MBD5: variants seen among roughly 807,000 people sequenced by gnomAD.
The protein encoded by MBD5 is methyl-CpG-binding domain protein 5.
A neutral mutation model predicts 117.3 loss-of-function variants in MBD5; 13 were observed. That is an observed-to-expected ratio of 0.11 (90% CI 0.07 to 0.18). The LOEUF (loss-of-function observed/expected upper bound fraction) is 0.18. Ranked by LOEUF, MBD5 falls within the 10% of genes least tolerant of loss-of-function variation. The pLI is 1.00. For synonymous variants in MBD5, 727 were observed against 766.4 expected (o/e 0.95, Z 0.85); for missense variants, 1,879 against 2,093.8 (o/e 0.90, Z 2.00).
chr2:148,123,691 G>C (rs537729477), intron 1 of MBD5, among the ~76,000 whole-genome samples: 2 of 152,226 alleles, frequency 1.3e-5, no homozygotes, highest in Non-Finnish European at 2.9e-5. Flanking sequence ...TTAGTGAACA[G>C]ATTCTGAATA....
Position 148,469,533 on chromosome 2 carries a change from T to C in MBD5, c.1590T>C (p.Ser530=). 1.9e-6 allele frequency: 3 copies of C among 1,613,802 alleles called. No homozygotes were observed. Among genetic ancestry groups the C allele is most frequent in the Non-Finnish European group, 2.5e-6 (3 of 1,179,924 alleles). ...CTAACCCATTAATTGCTGGAATAAGTAATGTACTAAATACCCCAAGCAGTG... is the reference window on the plus strand; with the variant it reads ...CTAACCCATTAATTGCTGGAATAAGCAATGTACTAAATACCCCAAGCAGTG... ...DIPNPLIAGI[S]NVLNTPSSAA... is the part of the protein sequence containing the mutation. The change falls in exon 8 of 14, where the codon AGT becomes AGC. Residue 530 remains serine, a synonymous_variant. Coordinates refer to ENST00000642680, the MANE Select transcript of MBD5 (RefSeq NM_001378120.1).
chr2:148,445,928 GTGTT>G (rs1706494344), intron 4 of MBD5, among the ~76,000 whole-genome samples: 1 of 151,340 alleles, frequency 6.6e-6, no homozygotes, highest in Non-Finnish European at 1.5e-5. Flanking sequence ...CTGCATAAAT[GTGTT>G]CTTTTGAGAA....
chr2:148,476,566 T>C (rs1680972016), intron 8 of MBD5, among the ~76,000 whole-genome samples: 1 of 152,190 alleles, frequency 6.6e-6, no homozygotes, highest in Admixed American at 6.6e-5. Context: ...CACAAAATAC[T>C]ACCCTAGCTG....
chr2:148,256,742 G>T (rs951928854), intron 3 of MBD5, among the ~76,000 whole-genome samples: 1 of 152,238 alleles, frequency 6.6e-6, no homozygotes, highest in Non-Finnish European at 1.5e-5. Context: ...TATCGAGAAT[G>T]GGGGGACACC....
chr2:148,141,787 G>A (rs889590606), intron 1 of MBD5, among the ~76,000 whole-genome samples: 8 of 79,192 alleles, frequency 1.0e-4, no homozygotes, highest in East Asian at 4.5e-4. Context: ...GCAAGACCCC[G>A]TCTCAAAAAA....
rs1695959992 is a variant in MBD5, at chr2:148,092,120, T to TTA, written c.-925+70437_-925+70438dup. On this transcript the variant is annotated intron_variant, in intron 1 of 13. Transcript: ENST00000642680. ...ACCAAAACCATGATGAGATACCACCTTACTCCAGCAAAAGTGGCCATAATT... is the reference window on the plus strand; with the variant it reads ...ACCAAAACCATGATGAGATACCACCTTATACTCCAGCAAAAGTGGCCATAATT... 2.0e-5 allele frequency among the ~76,000 whole-genome samples: 3 copies of TTA among 152,160 alleles called. No homozygotes were observed. In the South Asian group the frequency reaches 6.2e-4, roughly 32 times the overall value.
chr2:148,338,468 A>G (rs1385495466), intron 3 of MBD5, among the ~76,000 whole-genome samples: 2 of 152,196 alleles, frequency 1.3e-5, no homozygotes, highest in East Asian at 1.9e-4. Context: ...GTATTTGTAC[A>G]TAATAATCAG....
At chr2:148,449,640 ATAG>A (rs1199806290) in intron 4 of MBD5, among the ~76,000 whole-genome samples, 1 of 152,010 alleles carries the variant, frequency 6.6e-6, no homozygotes, top group Non-Finnish European at 1.5e-5. Flanking sequence ...AATCTAAAGG[ATAG>A]CCTTAATTTT....
chr2:148,161,751 C>T (rs1316724739), intron 1 of MBD5, among the ~76,000 whole-genome samples: 1 of 152,092 alleles, frequency 6.6e-6, no homozygotes, highest in African/African-American at 2.4e-5. Flanking sequence ...TATTATTATT[C>T]TTTGAATTTT....
chr2:148,152,462 C>G (rs1257705465), intron 1 of MBD5, among the ~76,000 whole-genome samples: 30 of 151,820 alleles, frequency 2.0e-4, no homozygotes, highest in East Asian at 5.8e-4. Flanking sequence ...GGTCCGCTTG[C>G]TGCAGAGCTG....
chr2:148,371,178 T>C (rs1460033563), intron 4 of MBD5, among the ~76,000 whole-genome samples: 1 of 152,182 alleles, frequency 6.6e-6, no homozygotes, highest in Non-Finnish European at 1.5e-5. Context: ...AAAGTCTACA[T>C]TTAAAATGTA....
chr2:148,202,292 T>C (rs1332827541), intron 2 of MBD5, among the ~76,000 whole-genome samples: 1 of 152,164 alleles, frequency 6.6e-6, no homozygotes, highest in African/African-American at 2.4e-5. Flanking sequence ...GAATTGGAAG[T>C]CCTATTTTGA....
Position 148,489,520 on chromosome 2 carries a change from T to C in MBD5, c.3888T>C (p.Ile1296=). The C allele has an allele frequency of 6.2e-7, 1 of 1,614,216 alleles. No homozygotes were observed. The highest frequency in any genetic ancestry group is 8.5e-7 in the Non-Finnish European group (1 of 1,180,032). The change falls in exon 11 of 14, where the codon ATT becomes ATC. Residue 1296 remains isoleucine, a synonymous_variant. Coordinates refer to ENST00000642680, the MANE Select transcript of MBD5 (RefSeq NM_001378120.1). The part of the protein sequence containing the change: ...QDTPCELQPR[I]DPSLGQQVKD... ...CACCTTGTGAGTTGCAACCGAGGAT[T>C]GACCCATCTCTTGGTCAACAGGTGA...
In MBD5 at chr2:148,469,471, A is replaced by G. The variant is rs762417251; in HGVS notation, c.1528A>G (p.Thr510Ala). ...PRPSMPSSPS[T>A]KSDGHHQYKD... ...GCCATCAATGCCATCAAGCCCTTCT[A>G]CCAAGTCCGATGGACATCATCAGTA... Residue 510 changes from threonine (T) to alanine (A), a missense_variant, in exon 8 of 14, where the codon ACC becomes GCC. By Grantham distance (58) the Thr-to-Ala change is moderately conservative (BLOSUM62 0). Around this residue, in one of 4 missense-constraint regions of MBD5, gnomAD observed 1,666 missense variants for 1,792.2 expected, o/e 0.93. Coordinates refer to ENST00000642680, the MANE Select transcript of MBD5 (RefSeq NM_001378120.1). 1 of 1,613,910 alleles carries G rather than the reference A, an allele frequency of 6.2e-7. No homozygotes were observed. Among genetic ancestry groups the G allele is most frequent in the Non-Finnish European group, 8.5e-7 (1 of 1,179,938 alleles).
At chr2:148,043,487 A>ATAAATAAATAAATAAATAAG (rs57647362) in intron 1 of MBD5, among the ~76,000 whole-genome samples, 3 of 151,420 alleles carry the variant, frequency 2.0e-5, no homozygotes, top group African/African-American at 7.3e-5. Flanking sequence ...AAATAAATAA[A>ATAAATAAATAAATAAATAAG]AGAATAGACT....
At chr2:148,325,113 T>C (rs1255844365) in intron 3 of MBD5, among the ~76,000 whole-genome samples, 1 of 152,202 alleles carries the variant, frequency 6.6e-6, no homozygotes, top group Non-Finnish European at 1.5e-5. Context: ...TTGTCTTTGG[T>C]TCTGTTTATA....
chr2:148,368,621 C>T (rs1232328358), intron 4 of MBD5, among the ~76,000 whole-genome samples: 5 of 152,038 alleles, frequency 3.3e-5, no homozygotes, highest in Non-Finnish European at 4.4e-5. Context: ...CTTGTGTTAA[C>T]GTAGTCCCAG....
At chr2:148,462,766 T>A (rs1707132137) in intron 6 of MBD5, 82 bp downstream of exon 6, 4 of 892,782 alleles carry the variant, frequency 4.5e-6, no homozygotes, top group Non-Finnish European at 7.3e-6. Flanking sequence ...TGGAATTTTA[T>A]TTTTTATTAC....
intron 3 of MBD5, among the ~76,000 whole-genome samples, chr2:148,266,441 A>G (rs1025078807): frequency 6.6e-6 from 1 of 152,084 alleles, no homozygotes; most frequent in East Asian, 1.9e-4. Flanking sequence ...AATTTTAAGA[A>G]TAGCAAGCAT....
Sources: allele counts gnomAD v4.1 joint callset (sites outside exome capture counted in the v4.1 genomes callset), GRCh38; gene constraint gnomAD v4.1.1; regional missense constraint gnomAD v4.1.1; transcripts MANE v1.5; gene names NCBI Gene and HGNC (gene_info 2026-07-23, HGNC 2026-07-21).